DAB1: variants seen among roughly 807,000 people sequenced by gnomAD.
DAB1 encodes the protein disabled homolog 1.
A neutral mutation model predicts 64.6 loss-of-function variants in DAB1; 15 were observed. The ratio of observed to expected loss-of-function variants is 0.23; its 90% CI spans 0.16 to 0.36. The LOEUF (loss-of-function observed/expected upper bound fraction) is 0.36. Among genes scored for constraint, DAB1 ranks in the 10% least tolerant of loss-of-function variants. The pLI, the probability that DAB1 is intolerant of heterozygous loss-of-function variation, is 1.00. For missense variants in DAB1, 596 were observed against 706.7 expected, an observed-to-expected ratio of 0.84 and a Z score of 1.78; for synonymous variants, 235 against 251.9, an observed-to-expected ratio of 0.93 and a Z score of 0.64.
intron 1 of DAB1, among the ~76,000 whole-genome samples, chr1:57,303,619 G>A (rs1273619703): frequency 1.3e-5 from 2 of 152,100 alleles, no homozygotes; most frequent in Non-Finnish European, 2.9e-5. Context: ...CAGAAGTTGT[G>A]AGTTAGCAGA....
At chr1:57,234,826 G>C (rs1667971893) in intron 2 of DAB1, among the ~76,000 whole-genome samples, 1 of 152,182 alleles carries the variant, frequency 6.6e-6, no homozygotes, top group Non-Finnish European at 1.5e-5. Flanking sequence ...ATAGGACTGA[G>C]GTCCCCATTC....
chr1:58,280,564 A>G (rs1661534558), intron 4 of DAB1, among the ~76,000 whole-genome samples: 1 of 152,234 alleles, frequency 6.6e-6, no homozygotes, highest in African/African-American at 2.4e-5. Context: ...CTTGGTAATT[A>G]CCCAATTTCT....
chr1:57,282,612 A>G (rs1466664952), intron 2 of DAB1, among the ~76,000 whole-genome samples: 1 of 152,158 alleles, frequency 6.6e-6, no homozygotes, highest in Non-Finnish European at 1.5e-5. Context: ...TAATAAATTC[A>G]TGACCGTGTG....
chr1:58,398,402 T>A, intron 3 of DAB1, among the ~76,000 whole-genome samples: 1 of 152,174 alleles, frequency 6.6e-6, no homozygotes, highest in East Asian at 1.9e-4. Context: ...ACAGGCACTG[T>A]CCTCTCCACG....
chr1:58,420,625 G>A (rs1644762819), intron 3 of DAB1, among the ~76,000 whole-genome samples: 1 of 152,098 alleles, frequency 6.6e-6, no homozygotes, highest in South Asian at 2.1e-4. Context: ...ATAACCTATT[G>A]TCAGACAAAC....
At chr1:57,134,768 A>T (rs942723409) in intron 4 of DAB1, among the ~76,000 whole-genome samples, 4 of 152,148 alleles carry the variant, frequency 2.6e-5, no homozygotes, top group African/African-American at 4.8e-5. Flanking sequence ...CAGGAGCCAG[A>T]CCGCCTAGGT....
intron 2 of DAB1, among the ~76,000 whole-genome samples, chr1:57,288,324 G>C (rs1198029963): frequency 1.3e-5 from 2 of 152,176 alleles, no homozygotes; most frequent in African/African-American, 4.8e-5. Context: ...GGGGATGGGG[G>C]AGGAGGAAAA....
chr1:57,426,949 C>T (rs990814364), upstream of DAB1, among the ~76,000 whole-genome samples: 1 of 151,282 alleles, frequency 6.6e-6, no homozygotes, highest in Non-Finnish European at 1.5e-5. Flanking sequence ...CTGCAAGCTC[C>T]GCCTCCTGGG....
chr1:57,195,276 T>C (rs1032356609), intron 2 of DAB1, among the ~76,000 whole-genome samples: 2 of 152,210 alleles, frequency 1.3e-5, no homozygotes, highest in African/African-American at 4.8e-5. Flanking sequence ...TCCTGTCCTC[T>C]TTCTGTTGCT....
At chr1:57,591,907 C>T (rs1181500784) in intron 7 of DAB1, among the ~76,000 whole-genome samples, 2 of 152,288 alleles carry the variant, frequency 1.3e-5, no homozygotes, top group East Asian at 1.9e-4. Context: ...AGGAAGAAAA[C>T]TAATAAGTTA....
At chr1:57,433,059 C>T (rs74881247) in intron 7 of DAB1, among the ~76,000 whole-genome samples, 25,268 of 152,026 alleles carry the variant, frequency 0.17, 2,307 homozygotes, top group African/African-American at 0.24. Flanking sequence ...ATGAAAACAA[C>T]TAAAGAAGAT....
In DAB1 at chr1:58,305,538, AC is replaced by A. The variant is rs144757904; in HGVS notation, n.309+37813del. Among the ~76,000 whole-genome samples the A allele has an allele frequency of 2.2e-3, 329 of 152,344 alleles. 1 individual carries two copies. Among genetic ancestry groups the A allele is most frequent in the African/African-American group, 7.6e-3 (314 of 41,582 alleles). ...ATTATTGTTAGTCATTATTCCAGTT[AC>A]AAATAATTTTGTGACAAACATCTCT... On this transcript the variant is annotated intron_variant and non_coding_transcript_variant, in intron 4 of 20. Coordinates refer to the DAB1 transcript ENST00000485760.
chr1:57,621,669 A>G (rs1205315709), intron 7 of DAB1, among the ~76,000 whole-genome samples: 1 of 152,084 alleles, frequency 6.6e-6, no homozygotes, highest in Non-Finnish European at 1.5e-5. Flanking sequence ...GGTGCTCAGT[A>G]AATGTTGTTG....
At chr1:57,744,122 T>G (rs113618559) in intron 6 of DAB1, among the ~76,000 whole-genome samples, 1,886 of 152,314 alleles carry the variant, frequency 0.012, 53 homozygotes, top group African/African-American at 0.043. Context: ...TGGCCAGTTT[T>G]GGGGCCAGTT....
chr1:58,474,262 G>A (rs17117574), intron 3 of DAB1, among the ~76,000 whole-genome samples: 2 of 152,060 alleles, frequency 1.3e-5, no homozygotes, highest in African/African-American at 2.4e-5. Context: ...GAGAGGCTTA[G>A]TTACTTGCTG....
intron 2 of DAB1, among the ~76,000 whole-genome samples, chr1:57,170,963 C>T (rs936354080): frequency 1.3e-5 from 2 of 152,146 alleles, no homozygotes; most frequent in Non-Finnish European, 2.9e-5. Flanking sequence ...GCCTAGAACA[C>T]TTGAAGGAGT....
chr1:58,435,398 T>A (rs932109692), intron 3 of DAB1, among the ~76,000 whole-genome samples: 1 of 152,192 alleles, frequency 6.6e-6, no homozygotes, highest in Non-Finnish European at 1.5e-5. Flanking sequence ...TTTTCCCCCA[T>A]GGTCGTAGCT....
chr1:57,765,467 C>T (rs1649267318), intron 6 of DAB1, among the ~76,000 whole-genome samples: 1 of 152,142 alleles, frequency 6.6e-6, no homozygotes, highest in African/African-American at 2.4e-5. Context: ...GGACAAAATG[C>T]CCGCCTCTGA....
intron 4 of DAB1, among the ~76,000 whole-genome samples, chr1:57,121,157 G>GAGGAGGAGGAGA (rs1553145028): frequency 0.034 from 4,817 of 140,802 alleles, 106 homozygotes; most frequent in Non-Finnish European, 0.048. Context: ...GGAGGAGGAG[G>GAGGAGGAGGAGA]AGGAGGAGAA....
Sources: allele counts gnomAD v4.1 joint callset (sites outside exome capture counted in the v4.1 genomes callset), GRCh38; gene constraint gnomAD v4.1.1; transcripts MANE v1.5; gene names NCBI Gene and HGNC (gene_info 2026-07-23, HGNC 2026-07-21).